CPQ: variants seen among roughly 807,000 people sequenced by gnomAD.
CPQ encodes the protein carboxypeptidase Q.
A neutral mutation model predicts 45.7 loss-of-function variants in CPQ; 37 were observed. That is an observed-to-expected ratio of 0.81 (90% CI 0.62 to 1.07). CPQ has a LOEUF of 1.07. CPQ is among the 50% of genes least tolerant of loss of function. The pLI, the probability that CPQ is intolerant of heterozygous loss-of-function variation, is 0.00. For missense variants in CPQ, 537 were observed against 572.9 expected (o/e 0.94, Z 0.64); for synonymous variants, 186 against 205.8 (o/e 0.90, Z 0.82).
At chr8:96,689,001 A>C (rs1809270792) in intron 1 of CPQ, among the ~76,000 whole-genome samples, 1 of 152,156 alleles carries the variant, frequency 6.6e-6, no homozygotes, top group Non-Finnish European at 1.5e-5. Context: ...TATAGGCATG[A>C]ATTTATCCTA....
chr8:97,121,685 A>G (rs1811705052), intron 7 of CPQ, among the ~76,000 whole-genome samples: 1 of 152,174 alleles, frequency 6.6e-6, no homozygotes, highest in Non-Finnish European at 1.5e-5. Context: ...CCCACTGAAG[A>G]GAAGCAGACC....
chr8:96,957,666 G>T (rs1813377405), intron 4 of CPQ, among the ~76,000 whole-genome samples: 1 of 151,996 alleles, frequency 6.6e-6, no homozygotes, highest in African/African-American at 2.4e-5. Context: ...AGGCCTGGTG[G>T]CACGTGCCTG....
chr8:96,690,293 T>G (rs1282485202), intron 1 of CPQ, among the ~76,000 whole-genome samples: 7 of 152,222 alleles, frequency 4.6e-5, no homozygotes, highest in Non-Finnish European at 1.0e-4. Flanking sequence ...GCACATTTTT[T>G]CTGGATCAGC....
At chr8:96,795,064 T>G (rs1344122480) in intron 2 of CPQ, among the ~76,000 whole-genome samples, 1 of 152,198 alleles carries the variant, frequency 6.6e-6, no homozygotes, top group East Asian at 1.9e-4. Context: ...CAAAGTTGCT[T>G]CCACATTTTT....
chr8:96,770,654 G>T (rs1265350076), intron 1 of CPQ, among the ~76,000 whole-genome samples: 1 of 149,730 alleles, frequency 6.7e-6, no homozygotes, highest in Non-Finnish European at 1.5e-5. Flanking sequence ...CACAGTTCTG[G>T]TACACTACTA....
chr8:97,096,845 G>A (rs1441201847), intron 7 of CPQ, among the ~76,000 whole-genome samples: 1 of 152,160 alleles, frequency 6.6e-6, no homozygotes, highest in African/African-American at 2.4e-5. Flanking sequence ...CAAAAGCAAG[G>A]CCCAGGAAAC....
intron 3 of CPQ, among the ~76,000 whole-genome samples, chr8:96,868,680 CTGCCA>C (rs913472423): frequency 7.9e-5 from 12 of 152,014 alleles, no homozygotes; most frequent in African/African-American, 2.9e-4. Flanking sequence ...GTCATTTCCC[CTGCCA>C]TTCAAACCTA....
intron 7 of CPQ, among the ~76,000 whole-genome samples, chr8:97,068,083 C>A (rs892281235): frequency 3.3e-5 from 5 of 152,086 alleles, no homozygotes; most frequent in Admixed American, 6.6e-5. Flanking sequence ...GAATTGGGAA[C>A]AAAAACTTGT....
intron 2 of CPQ, among the ~76,000 whole-genome samples, chr8:96,809,902 A>C (rs900832349): frequency 1.3e-5 from 2 of 152,182 alleles, no homozygotes; most frequent in Non-Finnish European, 2.9e-5. Context: ...AATGAATTTT[A>C]TGGCTTCGTC....
At chr8:96,951,781 C>T (rs553080201) in intron 4 of CPQ, among the ~76,000 whole-genome samples, 1 of 152,150 alleles carries the variant, frequency 6.6e-6, no homozygotes, top group South Asian at 2.1e-4. Flanking sequence ...AAACCAGTGC[C>T]CGCATAAGCA....
intron 1 of CPQ, among the ~76,000 whole-genome samples, chr8:96,692,091 G>T (rs963052615): frequency 3.3e-5 from 5 of 152,116 alleles, no homozygotes; most frequent in African/African-American, 1.2e-4. Flanking sequence ...AATGAATCTT[G>T]AGTTGAATGT....
rs148389776 is a variant in CPQ at position 97,058,716 on chromosome 8, C to T, written c.1054-7293C>T. 7.1e-4 allele frequency among the ~76,000 whole-genome samples: 108 copies of T among 152,194 alleles called. 1 individual carries two copies. Among genetic ancestry groups the T allele is most frequent in the African/African-American group, 2.5e-3 (103 of 41,536 alleles). On this transcript the variant is annotated intron_variant, in intron 6 of 7. Transcript: ENST00000220763. ...TTCTACAACTGCATACTGAAATGAA[C>T]GTGAAACCAGTAGCATGAAACACTT...
At chr8:97,134,178 C>T (rs970747377) in intron 7 of CPQ, among the ~76,000 whole-genome samples, 2 of 152,198 alleles carry the variant, frequency 1.3e-5, no homozygotes, top group African/African-American at 4.8e-5. Flanking sequence ...TTTACCCATT[C>T]AGTGATTCAA....
intron 7 of CPQ, among the ~76,000 whole-genome samples, chr8:97,115,376 G>A (rs1355768160): frequency 1.3e-5 from 2 of 152,166 alleles, no homozygotes; most frequent in African/African-American, 2.4e-5. Context: ...TTATCAACCC[G>A]AAGCAATTTT....
intron 2 of CPQ, among the ~76,000 whole-genome samples, chr8:96,788,782 G>A (rs963746270): frequency 6.6e-6 from 1 of 151,396 alleles, no homozygotes; most frequent in African/African-American, 2.4e-5. Context: ...ATTTAATGAT[G>A]TCCCATATTT....
At chr8:97,123,095 TAAAATAAATA>T (rs1563587142) in intron 7 of CPQ, among the ~76,000 whole-genome samples, 1 of 50,492 alleles carries the variant, frequency 2.0e-5, no homozygotes. Flanking sequence ...TAAAATAAAA[TAAAATAAATA>T]AAATAAAATA....
intron 5 of CPQ, among the ~76,000 whole-genome samples, chr8:96,970,847 G>A (rs995629341): frequency 6.6e-6 from 1 of 152,196 alleles, no homozygotes; most frequent in Non-Finnish European, 1.5e-5. Flanking sequence ...ACAGGCGTGA[G>A]CCACCGCGCC....
At chr8:96,703,002 G>C (rs1428253587) in intron 1 of CPQ, among the ~76,000 whole-genome samples, 2 of 152,052 alleles carry the variant, frequency 1.3e-5, no homozygotes, top group Non-Finnish European at 2.9e-5. Context: ...CAGTTCTGTT[G>C]GTTGTGAGTA....
At chr8:96,819,741 C>T (rs780382714) in intron 2 of CPQ, among the ~76,000 whole-genome samples, 2 of 152,054 alleles carry the variant, frequency 1.3e-5, no homozygotes, top group Non-Finnish European at 2.9e-5. Context: ...GACCTTTGCT[C>T]TTCATTGGTC....
Sources: allele counts gnomAD v4.1 joint callset (sites outside exome capture counted in the v4.1 genomes callset), GRCh38; gene constraint gnomAD v4.1.1; transcripts MANE v1.5; gene names NCBI Gene and HGNC (gene_info 2026-07-23, HGNC 2026-07-21).